The following PPIG variants were observed in gnomAD, a reference collection of about 807,000 sequenced individuals.
PPIG encodes the protein peptidyl-prolyl cis-trans isomerase G.
A neutral mutation model predicts 87.9 loss-of-function variants in PPIG; 26 were observed. The observed-to-expected ratio is 0.30, with a 90% CI of 0.22 to 0.41. The LOEUF is 0.41. Ranked by LOEUF, PPIG falls within the 10% of genes least tolerant of loss-of-function variation. PPIG has a pLI of 1.00. For synonymous variants in PPIG, 308 were observed against 276.5 expected, an observed-to-expected ratio of 1.11 and a Z score of -1.13; for missense variants, 722 against 879.4, an observed-to-expected ratio of 0.82 and a Z score of 2.26.
rs543027330 is a variant in PPIG, at chr2:169,636,970, G to A, written c.1712G>A (p.Arg571Lys). Residue 571 changes from arginine to lysine, a missense_variant, in exon 14 of 14, where the codon AGA (arginine) becomes AAA (lysine). Coordinates refer to ENST00000260970, the MANE Select transcript of PPIG (RefSeq NM_004792.3). ...RTRERSRSRD[R>K]SRRVRSRTHD... is the part of the protein sequence containing the mutation. ...AGAGAACGAAGCAGAAGTAGGGACA[G>A]AAGCAGAAGAGTGCGATCAAGAACC... 3.7e-6 allele frequency: 6 copies of A among 1,613,990 alleles called. No individual in the cohort carries two copies. In the African/African-American group the frequency reaches 8.0e-5, roughly 22 times the overall value.
intron 1 of PPIG, 151 bp downstream of exon 1, chr2:169,584,641 G>A (rs1419328714): frequency 2.5e-6 from 1 of 407,888 alleles, no homozygotes; most frequent in African/African-American, 2.1e-5. Flanking sequence ...GGGCTGCTTG[G>A]GCCCAGAGGA....
Position 169,588,234 on chromosome 2 carries a change from C to CGTGT in PPIG, c.-70+3755_-70+3758dup, listed in dbSNP as rs201838400. On this transcript the variant is annotated intron_variant, in intron 1 of 13. Coordinates refer to ENST00000260970, the MANE Select transcript of PPIG (RefSeq NM_004792.3). Reference sequence around the variant, plus strand: ...GTTTTAAAAATGAACGAAGCATATTCGTGTGTGTGTGTGTATATACTAAGC... The same window carrying CGTGT: ...GTTTTAAAAATGAACGAAGCATATTCGTGTGTGTGTGTGTGTGTATATACTAAGC... Among the ~76,000 whole-genome samples the CGTGT allele has an allele frequency of 2.6e-5, 4 of 151,742 alleles. No individual in the cohort carries two copies. The South Asian group carries it at 6.2e-4, about 24-fold the overall frequency.
intron 2 of PPIG, 51 bp downstream of exon 2, chr2:169,603,745 G>T (rs1400047724): frequency 6.0e-6 from 2 of 333,426 alleles, no homozygotes; most frequent in Non-Finnish European, 1.1e-5. Flanking sequence ...ACAATTTTCT[G>T]TTTGAGCTAT....
At position 169,586,388 on chromosome 2, in the gene PPIG, C is replaced by T. The variant is rs531250802; in HGVS notation, c.-70+1898C>T. 3.3e-5 allele frequency among the ~76,000 whole-genome samples: 5 copies of T among 152,254 alleles called. No individual in the cohort carries two copies. The South Asian group carries it at 6.2e-4, about 19-fold the overall frequency. ...TCTGAGCTTCAGTTTCTTCACCTAC[C>T]TGCAAAATGACATTTTGATCTCCAC... On this transcript the variant is annotated intron_variant, in intron 1 of 13. Coordinates refer to ENST00000260970, the MANE Select transcript of PPIG (RefSeq NM_004792.3).
chr2:169,631,492 G>A (rs1400700355), intron 10 of PPIG: 2 of 881,932 alleles, frequency 2.3e-6, no homozygotes, highest in Non-Finnish European at 3.0e-6. Context: ...ATTTATCAGA[G>A]TGCATTGCTC....
At chr2:169,619,771 A>G (rs1024745731) in intron 9 of PPIG, among the ~76,000 whole-genome samples, 10 of 151,554 alleles carry the variant, frequency 6.6e-5, no homozygotes, top group South Asian at 6.3e-4. Context: ...TATAATAGCC[A>G]TTGTAACAGG....
chr2:169,616,434 C>T (rs1340416690), intron 9 of PPIG, among the ~76,000 whole-genome samples: 2 of 152,168 alleles, frequency 1.3e-5, no homozygotes, highest in Non-Finnish European at 2.9e-5. Flanking sequence ...CTGTCTTCTA[C>T]AATGGTTGAA....
intron 1 of PPIG, among the ~76,000 whole-genome samples, chr2:169,587,119 G>A (rs1684725676): frequency 6.6e-6 from 1 of 152,080 alleles, no homozygotes. Context: ...TTTTAGTAGA[G>A]AAGGGGTTTC....
chr2:169,591,100 TTAAAA>T (rs1684851379), intron 1 of PPIG, among the ~76,000 whole-genome samples: 1 of 152,218 alleles, frequency 6.6e-6, no homozygotes, highest in Admixed American at 6.5e-5. Flanking sequence ...CCAAATAACT[TTAAAA>T]TATAATAAAG....
intron 1 of PPIG, among the ~76,000 whole-genome samples, chr2:169,589,041 T>C (rs1684787098): frequency 6.6e-6 from 1 of 151,864 alleles, no homozygotes; most frequent in African/African-American, 2.4e-5. Flanking sequence ...CCAGTTAGTA[T>C]TTGCTTTTGT....
chr2:169,633,190 C>T lies in PPIG; in HGVS notation c.960C>T (p.Tyr320=). 6.2e-7 allele frequency: 1 copy of T among 1,610,726 alleles called. No homozygotes were observed. Among genetic ancestry groups the T allele is most frequent in the Non-Finnish European group, 8.5e-7 (1 of 1,177,816 alleles). The change falls in exon 12 of 14, where the codon TAC becomes TAT. Residue 320 remains tyrosine, a synonymous_variant. Transcript: ENST00000260970. ...CNPPNSQPAS[Y]QRRLLVTRSG... Reference sequence around the variant, plus strand: ...CACCTAACTCCCAGCCTGCTTCATACCAGAGACGACTTTTAGTTACTAGAT... The same window carrying T: ...CACCTAACTCCCAGCCTGCTTCATATCAGAGACGACTTTTAGTTACTAGAT...
At chr2:169,588,061 A>G (rs1042842744) in intron 1 of PPIG, among the ~76,000 whole-genome samples, 3 of 152,158 alleles carry the variant, frequency 2.0e-5, no homozygotes, top group Non-Finnish European at 2.9e-5. Context: ...ACTACTCGGG[A>G]GGCTGAGGCA....
intron 1 of PPIG, chr2:169,584,850 C>T (rs910478423): frequency 2.6e-5 from 7 of 272,796 alleles, no homozygotes; most frequent in Admixed American, 1.1e-4. Context: ...TCTAGGGAGC[C>T]GGGTTGATTT....
chr2:169,604,733 A>T (rs1559179061), intron 4 of PPIG, among the ~76,000 whole-genome samples: 1 of 151,136 alleles, frequency 6.6e-6, no homozygotes, highest in Non-Finnish European at 1.5e-5. Context: ...AATTAGCCAA[A>T]TGTGGTGGCG....
At chr2:169,612,375 C>G (rs1249309885) in intron 7 of PPIG, among the ~76,000 whole-genome samples, 1 of 134,582 alleles carries the variant, frequency 7.4e-6, no homozygotes, top group African/African-American at 2.8e-5. Flanking sequence ...TGTATCAGAA[C>G]TCCATTTTTT....
chr2:169,619,119 G>A (rs562729185), intron 9 of PPIG, among the ~76,000 whole-genome samples: 8 of 151,448 alleles, frequency 5.3e-5, no homozygotes, highest in East Asian at 3.9e-4. Context: ...AAATAATTTC[G>A]TTATTTACCC....
intron 7 of PPIG, among the ~76,000 whole-genome samples, chr2:169,612,744 C>T (rs1269643578): frequency 6.6e-6 from 1 of 152,042 alleles, no homozygotes; most frequent in African/African-American, 2.4e-5. Flanking sequence ...TTTTTTGATT[C>T]ATCTGTTAGT....
At chr2:169,635,171 A>T (rs1686149325) in intron 12 of PPIG, among the ~76,000 whole-genome samples, 1 of 152,078 alleles carries the variant, frequency 6.6e-6, no homozygotes, top group African/African-American at 2.4e-5. Flanking sequence ...TCTTTTTTTT[A>T]AAATAGTAGC....
intron 10 of PPIG, 178 bp from the exon 11 acceptor site, chr2:169,631,588 T>C (rs1407551194): frequency 3.6e-6 from 5 of 1,373,534 alleles, no homozygotes; most frequent in Non-Finnish European, 4.7e-6. Flanking sequence ...GTTTGTTTTT[T>C]GATTGGTTAG....
Sources: gnomAD v4.1 joint callset for allele counts (sites outside exome capture counted in the v4.1 genomes callset) on GRCh38, gnomAD v4.1.1 for gene constraint, MANE v1.5 for transcripts, NCBI Gene and HGNC (gene_info 2026-07-23, HGNC 2026-07-21) for gene names.